The following CSMD3 variants were observed in gnomAD, a reference collection of about 807,000 sequenced individuals.
The protein encoded by CSMD3 is CUB and sushi domain-containing protein 3.
In CSMD3, 177 loss-of-function variants were observed where a neutral mutation model predicts 435.2. The observed-to-expected ratio is 0.41, with a 90% CI of 0.36 to 0.46. CSMD3 has a LOEUF of 0.46. CSMD3 is among the 20% of genes least tolerant of loss of function. The pLI is 0.34. For missense variants in CSMD3, 4,265 were observed against 4,504.6 expected, an observed-to-expected ratio of 0.95 and a Z score of 1.52; for synonymous variants, 1,656 against 1,520.5, an observed-to-expected ratio of 1.09 and a Z score of -2.07.
At chr8:113,376,928 C>G in intron 1 of CSMD3, 1 of 1,459,404 alleles carries the variant, frequency 6.9e-7, no homozygotes, top group Non-Finnish European at 9.2e-7. Flanking sequence ...GGGGCCATAA[C>G]GGATGACGTG....
Position 113,086,128 on chromosome 8 carries a change from A to C in CSMD3, c.917+12628T>G, listed in dbSNP as rs566565239. Among the ~76,000 whole-genome samples the C allele has an allele frequency of 3.3e-5, 5 of 152,082 alleles. No homozygotes were observed. In the South Asian group the frequency reaches 1.0e-3, roughly 32 times the overall value. On this transcript the variant is annotated intron_variant, in intron 5 of 70. Transcript: ENST00000297405. The stretch of plus-strand genomic sequence containing the variant: ...CCAGGCGTGGGTGGCGGGCGACTGT[A>C]GTCCCAGCTACTCGGGAGGCTGAGG...
chr8:112,999,109 C>T (rs562242355), intron 6 of CSMD3, among the ~76,000 whole-genome samples: 7 of 151,994 alleles, frequency 4.6e-5, no homozygotes, highest in African/African-American at 7.2e-5. Flanking sequence ...GACTCCTCTA[C>T]TCACTCAGCA....
At chr8:113,166,850 T>A (rs571499502) in intron 4 of CSMD3, among the ~76,000 whole-genome samples, 1 of 152,274 alleles carries the variant, frequency 6.6e-6, no homozygotes, top group African/African-American at 2.4e-5. Flanking sequence ...TGACTCTTAG[T>A]ATGTTTGTCC....
At chr8:112,634,166 A>G (rs561774866) in intron 22 of CSMD3, among the ~76,000 whole-genome samples, 1 of 152,138 alleles carries the variant, frequency 6.6e-6, no homozygotes, top group South Asian at 2.1e-4. Flanking sequence ...ATAAACTAAC[A>G]TTCCTAAAAG....
At chr8:113,192,544 A>T (rs2092600785) in intron 3 of CSMD3, among the ~76,000 whole-genome samples, 1 of 151,628 alleles carries the variant, frequency 6.6e-6, no homozygotes, top group South Asian at 2.1e-4. Context: ...GACTTAAATG[A>T]CTACTGCTGC....
intron 30 of CSMD3, among the ~76,000 whole-genome samples, chr8:112,501,987 T>C (rs966728796): frequency 6.6e-6 from 1 of 152,030 alleles, no homozygotes; most frequent in African/African-American, 2.4e-5. Flanking sequence ...ATAAGAAATA[T>C]AAAAATATGT....
intron 26 of CSMD3, among the ~76,000 whole-genome samples, chr8:112,552,241 T>C (rs975664993): frequency 6.9e-6 from 1 of 145,156 alleles, no homozygotes; most frequent in Admixed American, 7.2e-5. Flanking sequence ...ACACCTGTAA[T>C]CCCAGCACTT....
In CSMD3 at chr8:112,805,083, A is replaced by G. The variant is rs572116842; in HGVS notation, c.1860-4809T>C. Among the ~76,000 whole-genome samples, 25 of 152,164 alleles carry G rather than the reference A, an allele frequency of 1.6e-4. 1 individual carries two copies. In the South Asian group the frequency reaches 5.0e-3, roughly 30 times the overall value. Reference sequence around the variant, plus strand: ...TTGCTCTTTTTCTTCTGCAGTTCCCACACAAATAGGGCCTCATATTGGGAA... The same window carrying G: ...TTGCTCTTTTTCTTCTGCAGTTCCCGCACAAATAGGGCCTCATATTGGGAA... On this transcript the variant is annotated intron_variant, in intron 12 of 70. Transcript: ENST00000297405.
At chr8:113,253,234 C>CA (rs2093349744) in intron 3 of CSMD3, among the ~76,000 whole-genome samples, 1 of 148,232 alleles carries the variant, frequency 6.7e-6, no homozygotes, top group African/African-American at 2.5e-5. Context: ...AAAAAACTGA[C>CA]TTTTTTTTTT....
chr8:113,384,865 G>T (rs190032487), intron 1 of CSMD3, among the ~76,000 whole-genome samples: 43 of 152,226 alleles, frequency 2.8e-4, no homozygotes, highest in Non-Finnish European at 5.1e-4. Context: ...AATAAATTGA[G>T]TTTGCAGAGT....
chr8:113,171,136 G>A (rs1453432056), intron 4 of CSMD3, among the ~76,000 whole-genome samples: 1 of 152,058 alleles, frequency 6.6e-6, no homozygotes, highest in East Asian at 1.9e-4. Context: ...ATAGTAACAG[G>A]TGCTGAGGAA....
intron 13 of CSMD3, among the ~76,000 whole-genome samples, chr8:112,707,484 G>C (rs1460490846): frequency 6.8e-6 from 1 of 148,062 alleles, no homozygotes; most frequent in Non-Finnish European, 1.5e-5. Context: ...GTGGTGCGGC[G>C]GGAGGGGGGT....
In CSMD3 at chr8:112,237,331, C is replaced by T. The variant is rs1192431587; in HGVS notation, c.10486G>A (p.Ala3496Thr). 1 of 1,610,182 alleles carries T rather than the reference C, an allele frequency of 6.2e-7. No homozygotes were observed. The highest frequency in any genetic ancestry group is 8.5e-7 in the Non-Finnish European group (1 of 1,176,708). ...PKLSVPDDVF[A>T]QNYIWKGSYN... ...GAGCCTTTCCATATATAATTTTGGG[C>T]AAATACATCATCAGGAACTGTGAAT... Residue 3496 changes from alanine to threonine, a missense_variant, in exon 67 of 71, where the codon GCC becomes ACC. By Grantham distance (58) the Ala-to-Thr change is moderately conservative. Transcript: ENST00000297405.
At chr8:112,357,251 C>T (rs1826707257) in intron 38 of CSMD3, among the ~76,000 whole-genome samples, 1 of 152,056 alleles carries the variant, frequency 6.6e-6, no homozygotes, top group Non-Finnish European at 1.5e-5. Context: ...CAGCATTTTG[C>T]CCCTGCCCTA....
intron 32 of CSMD3, among the ~76,000 whole-genome samples, chr8:112,458,539 T>C (rs769610478): frequency 1.8e-4 from 28 of 152,246 alleles, no homozygotes; most frequent in Admixed American, 8.5e-4. Flanking sequence ...AATAAGCTTG[T>C]GACTATAATT....
chr8:112,851,777 A>G (rs2080497164), intron 11 of CSMD3, among the ~76,000 whole-genome samples: 1 of 151,290 alleles, frequency 6.6e-6, no homozygotes, highest in Admixed American at 6.6e-5. Context: ...AAAAAAAAAG[A>G]CCTTTGAATC....
chr8:113,016,152 C>T (rs1317131657), intron 6 of CSMD3, among the ~76,000 whole-genome samples: 1 of 151,286 alleles, frequency 6.6e-6, no homozygotes, highest in Non-Finnish European at 1.5e-5. Context: ...ACTAGGAAGG[C>T]AAAAGATGTT....
chr8:112,269,858 C>T (rs1347016766), intron 59 of CSMD3, among the ~76,000 whole-genome samples: 1 of 152,148 alleles, frequency 6.6e-6, no homozygotes, highest in Non-Finnish European at 1.5e-5. Flanking sequence ...CATGTTTCTT[C>T]ACACTTATAA....
intron 13 of CSMD3, among the ~76,000 whole-genome samples, chr8:112,731,965 T>C (rs997888699): frequency 6.6e-6 from 1 of 152,146 alleles, no homozygotes; most frequent in African/African-American, 2.4e-5. Flanking sequence ...GAATGTTTCC[T>C]TGTCTATGCC....
Sources: allele counts gnomAD v4.1 joint callset (sites outside exome capture counted in the v4.1 genomes callset), GRCh38; gene constraint gnomAD v4.1.1; transcripts MANE v1.5; gene names NCBI Gene and HGNC (gene_info 2026-07-23, HGNC 2026-07-21).